Variants in RORA observed in about 807,000 individuals in gnomAD.
RORA encodes the protein nuclear receptor ROR-alpha.
RORA carries 7 observed loss-of-function variants against 69.5 expected under a neutral mutation model. The observed-to-expected ratio is 0.10, with a 90% CI of 0.06 to 0.19. The LOEUF (loss-of-function observed/expected upper bound fraction) is 0.19, where lower values mean the gene tolerates loss of function less well. Ranked by LOEUF, RORA falls within the 10% of genes least tolerant of loss-of-function variation. The pLI is 1.00. For missense variants in RORA, 457 were observed against 663.0 expected (o/e 0.69, Z 3.41); for synonymous variants, 261 against 240.8 (o/e 1.08, Z -0.78).
rs1442120683 is a variant in RORA at position 60,492,722 on chromosome 15, G to A, written c.*4733C>T. 6.6e-6 allele frequency: 1 copy of A among 152,092 alleles called. No homozygotes were observed. The highest frequency in any genetic ancestry group is 1.5e-5 in the Non-Finnish European group (1 of 68,014). The allele number at this position is 152,092 out of a possible 1,614,324, so 9.4% of individuals were successfully genotyped here. ...GACTATACTTTGAATGATGCTCTTT[G>A]CTGGTACATTATTAATTTATCTTTT... On this transcript the variant is annotated 3_prime_UTR_variant, in exon 11 of 11. Transcript: ENST00000335670.
chr15:60,754,897 T>G (rs545597391), intron 1 of RORA, among the ~76,000 whole-genome samples: 1 of 152,062 alleles, frequency 6.6e-6, no homozygotes, highest in Non-Finnish European at 1.5e-5. Flanking sequence ...CTGTGGAATG[T>G]GGGTTGTGTA....
At chr15:60,712,365 A>G (rs961111622) in intron 1 of RORA, among the ~76,000 whole-genome samples, 3 of 152,194 alleles carry the variant, frequency 2.0e-5, no homozygotes, top group African/African-American at 7.2e-5. Flanking sequence ...GCATTATACA[A>G]CTAAATTTGG....
intron 1 of RORA, among the ~76,000 whole-genome samples, chr15:61,209,433 C>A (rs947982524): frequency 2.6e-5 from 4 of 152,120 alleles, no homozygotes; most frequent in African/African-American, 4.8e-5. Flanking sequence ...TTGAAACAAA[C>A]AAATGACAAA....
At chr15:61,149,900 A>G (rs962242633) in intron 1 of RORA, among the ~76,000 whole-genome samples, 3 of 152,222 alleles carry the variant, frequency 2.0e-5, no homozygotes, top group Non-Finnish European at 4.4e-5. Flanking sequence ...GAAAGAACAG[A>G]TATCGGACTG....
chr15:60,832,967 T>C (rs186757234), intron 1 of RORA, among the ~76,000 whole-genome samples: 2,356 of 150,352 alleles, frequency 0.016, 78 homozygotes, highest in African/African-American at 0.055. Context: ...TGCAGTGGCG[T>C]GATCTCGGCT....
chr15:60,858,799 T>C (rs1280829782), intron 1 of RORA, among the ~76,000 whole-genome samples: 1 of 151,674 alleles, frequency 6.6e-6, no homozygotes, highest in Non-Finnish European at 1.5e-5. Context: ...GTGCTGAGAA[T>C]GGGATTGCTC....
chr15:60,639,453 A>G (rs1315235900), intron 2 of RORA, among the ~76,000 whole-genome samples: 1 of 151,980 alleles, frequency 6.6e-6, no homozygotes, highest in African/African-American at 2.4e-5. Context: ...TTGGCATGTC[A>G]AGTCTCTGCT....
At chr15:61,114,857 T>C (rs138512649) in intron 1 of RORA, among the ~76,000 whole-genome samples, 3 of 152,358 alleles carry the variant, frequency 2.0e-5, no homozygotes, top group East Asian at 3.9e-4. Flanking sequence ...ATGTTGGCTC[T>C]TGGCCCAGAC....
intron 2 of RORA, among the ~76,000 whole-genome samples, chr15:60,563,282 A>G (rs1041679378): frequency 6.6e-6 from 1 of 152,190 alleles, no homozygotes. Flanking sequence ...TCAGCCTTTT[A>G]TACCTCTTGG....
chr15:61,135,578 CAAAAAA>C (rs11453914), intron 1 of RORA, among the ~76,000 whole-genome samples: 5 of 112,314 alleles, frequency 4.5e-5, no homozygotes, highest in African/African-American at 1.7e-4. Context: ...ATTTCCACAT[CAAAAAA>C]AAAAAAAAAA....
At chr15:60,992,466 C>T (rs899977880) in intron 1 of RORA, among the ~76,000 whole-genome samples, 2 of 152,136 alleles carry the variant, frequency 1.3e-5, no homozygotes, top group African/African-American at 4.8e-5. Flanking sequence ...GTCCTACAGA[C>T]ACAACATATA....
At chr15:61,037,202 C>G (rs1223423002) in intron 1 of RORA, among the ~76,000 whole-genome samples, 1 of 152,132 alleles carries the variant, frequency 6.6e-6, no homozygotes, top group African/African-American at 2.4e-5. Context: ...ATGTAAAGTA[C>G]TTAGTACTGT....
At chr15:60,663,616 C>G (rs140036175) in intron 2 of RORA, among the ~76,000 whole-genome samples, 1 of 152,148 alleles carries the variant, frequency 6.6e-6, no homozygotes, top group Non-Finnish European at 1.5e-5. Flanking sequence ...CCACCATACC[C>G]GGCTAATTTT....
At chr15:60,670,760 G>A (rs892151208) in intron 2 of RORA, among the ~76,000 whole-genome samples, 2 of 152,136 alleles carry the variant, frequency 1.3e-5, no homozygotes, top group Admixed American at 6.5e-5. Context: ...ATGTATAGAT[G>A]TGGATGTCAA....
intron 1 of RORA, among the ~76,000 whole-genome samples, chr15:61,044,021 C>G (rs1401897397): frequency 2.0e-5 from 3 of 152,058 alleles, no homozygotes; most frequent in African/African-American, 7.2e-5. Flanking sequence ...AACACGGACC[C>G]CAGGCTCCTC....
At chr15:61,228,736 T>C (rs561993082) in intron 1 of RORA, among the ~76,000 whole-genome samples, 2 of 152,064 alleles carry the variant, frequency 1.3e-5, no homozygotes, top group South Asian at 4.2e-4. Context: ...GGGGAGCGTA[T>C]TTAATTGAGG....
At chr15:60,571,112 C>G (rs1032224001) in intron 2 of RORA, among the ~76,000 whole-genome samples, 2 of 151,934 alleles carry the variant, frequency 1.3e-5, no homozygotes, top group Admixed American at 6.6e-5. Context: ...GTTTACCCAT[C>G]TGTATTATCT....
chr15:61,201,958 A>C (rs2079898898), intron 1 of RORA, among the ~76,000 whole-genome samples: 2 of 152,130 alleles, frequency 1.3e-5, no homozygotes, highest in African/African-American at 4.8e-5. Flanking sequence ...TATATATGTA[A>C]TATGATATTT....
At chr15:60,765,870 CCCCCCAA>C (rs1170496410) in intron 1 of RORA, among the ~76,000 whole-genome samples, 21 of 151,942 alleles carry the variant, frequency 1.4e-4, no homozygotes, top group African/African-American at 5.1e-4. Context: ...CCCCACCTAA[CCCCCCAA>C]TATCGGTACT....
Sources: allele counts gnomAD v4.1 joint callset (sites outside exome capture counted in the v4.1 genomes callset), GRCh38; gene constraint gnomAD v4.1.1; transcripts MANE v1.5; gene names NCBI Gene and HGNC (gene_info 2026-07-23, HGNC 2026-07-21).